SUGCT: variants seen among roughly 807,000 people sequenced by gnomAD.
The protein encoded by SUGCT is succinyl-CoA:glutarate-CoA transferase.
A neutral mutation model predicts 55.0 loss-of-function variants in SUGCT; 41 were observed. That is an observed-to-expected ratio of 0.74 (90% CI 0.58 to 0.97). The LOEUF is 0.97. SUGCT is among the 50% of genes least tolerant of loss of function. The pLI, the probability that SUGCT is intolerant of heterozygous loss-of-function variation, is 0.00. For synonymous variants in SUGCT, 187 were observed against 200.4 expected, an observed-to-expected ratio of 0.93 and a Z score of 0.56; for missense variants, 568 against 547.8, an observed-to-expected ratio of 1.04 and a Z score of -0.37.
In SUGCT at chr7:40,337,148, T is replaced by A. The variant is rs547924985; in HGVS notation, c.816+20293T>A. Among the ~76,000 whole-genome samples, 4 of 152,322 alleles carry A rather than the reference T, an allele frequency of 2.6e-5. No individual in the cohort carries two copies. In the East Asian group the frequency reaches 7.7e-4, roughly 29 times the overall value. ...ATAATTTCTGTTCTTTTACATTTGC[T>A]GAGGAGTGCTTTACTTCTGACTATG... On this transcript the variant is annotated intron_variant, in intron 9 of 13. Transcript: ENST00000335693.
chr7:40,952,271 G>A, the SUGCT span, among the ~76,000 whole-genome samples: 2 of 152,238 alleles, frequency 1.3e-5, no homozygotes, highest in Admixed American at 1.3e-4. Context: ...GACTAGGAAT[G>A]CAACCCCTGC....
At chr7:40,958,259 C>G in the SUGCT span, among the ~76,000 whole-genome samples, 1 of 152,184 alleles carries the variant, frequency 6.6e-6, no homozygotes, top group East Asian at 1.9e-4. Flanking sequence ...AGCACGTTTT[C>G]CAGCTTAGTT....
chr7:40,911,486 T>C, the SUGCT span, among the ~76,000 whole-genome samples: 10 of 151,222 alleles, frequency 6.6e-5, no homozygotes, highest in Admixed American at 2.0e-4. Context: ...GAGGGTCAAC[T>C]GAGCCCGGGA....
chr7:40,295,120 G>A (rs1007534369), intron 8 of SUGCT, among the ~76,000 whole-genome samples: 1 of 152,036 alleles, frequency 6.6e-6, no homozygotes. Flanking sequence ...ATGGAGCATA[G>A]TACTTTTTCA....
chr7:40,224,888 T>C (rs1483801289), intron 6 of SUGCT, among the ~76,000 whole-genome samples: 1 of 152,158 alleles, frequency 6.6e-6, no homozygotes, highest in African/African-American at 2.4e-5. Context: ...GCTCCTCCTG[T>C]GGGGCCGCAA....
At chr7:40,677,300 G>A (rs917605679) in intron 12 of SUGCT, among the ~76,000 whole-genome samples, 3 of 152,288 alleles carry the variant, frequency 2.0e-5, no homozygotes, top group African/African-American at 7.2e-5. Context: ...TCTGTCAGCC[G>A]TAAGTGATAG....
At chr7:40,409,327 G>A (rs1027626112) in intron 9 of SUGCT, among the ~76,000 whole-genome samples, 5 of 151,374 alleles carry the variant, frequency 3.3e-5, no homozygotes, top group African/African-American at 9.7e-5. Flanking sequence ...GCAATGGTGC[G>A]ATCATGGCTC....
the SUGCT span, among the ~76,000 whole-genome samples, chr7:40,992,803 C>G: frequency 3.8e-4 from 58 of 152,156 alleles, no homozygotes; most frequent in Non-Finnish European, 8.2e-4. Context: ...GTTTCAGTAC[C>G]TGTAATGTGG....
chr7:40,872,397 C>T, the SUGCT span, among the ~76,000 whole-genome samples: 5 of 152,066 alleles, frequency 3.3e-5, no homozygotes, highest in South Asian at 2.1e-4. Context: ...ATGTTTCTAA[C>T]GTGGAGGAAG....
At chr7:40,808,593 G>C (rs989989134) in intron 13 of SUGCT, among the ~76,000 whole-genome samples, 2 of 152,174 alleles carry the variant, frequency 1.3e-5, no homozygotes, top group African/African-American at 2.4e-5. Flanking sequence ...AAGTCAGTCA[G>C]CTGTGGGTTG....
At chr7:40,894,809 T>C in the SUGCT span, among the ~76,000 whole-genome samples, 25 of 152,082 alleles carry the variant, frequency 1.6e-4, no homozygotes, top group African/African-American at 5.1e-4. Context: ...AGTCAGAAAA[T>C]AACAGATGCT....
At chr7:40,948,446 A>G in the SUGCT span, among the ~76,000 whole-genome samples, 2 of 65,446 alleles carry the variant, frequency 3.1e-5, no homozygotes, top group Non-Finnish European at 7.7e-5. Context: ...GATGATGATG[A>G]TGATGATGAT....
At chr7:40,949,252 T>C in the SUGCT span, among the ~76,000 whole-genome samples, 1 of 152,378 alleles carries the variant, frequency 6.6e-6, no homozygotes, top group Admixed American at 6.5e-5. Flanking sequence ...ATAAATGTCT[T>C]CTTTTGAGAA....
chr7:40,575,004 A>G (rs1269476463), intron 12 of SUGCT, among the ~76,000 whole-genome samples: 1 of 151,900 alleles, frequency 6.6e-6, no homozygotes, highest in African/African-American at 2.4e-5. Context: ...AGTGTTTAAG[A>G]TCTCCACCCC....
intron 12 of SUGCT, among the ~76,000 whole-genome samples, chr7:40,738,886 T>G (rs1483803871): frequency 6.6e-6 from 1 of 152,204 alleles, no homozygotes; most frequent in Non-Finnish European, 1.5e-5. Flanking sequence ...TGATGAGGCA[T>G]TAAGTGCATT....
At chr7:40,333,478 AAT>A (rs1796439985) in intron 9 of SUGCT, among the ~76,000 whole-genome samples, 1 of 150,318 alleles carries the variant, frequency 6.7e-6, no homozygotes, top group Non-Finnish European at 1.5e-5. Context: ...CTCTACTAAA[AAT>A]ATGAAAATTA....
At chr7:41,029,487 A>G in the SUGCT span, among the ~76,000 whole-genome samples, 2 of 152,234 alleles carry the variant, frequency 1.3e-5, no homozygotes, top group East Asian at 1.9e-4. Context: ...ACAGCCTCCT[A>G]CACCCTGTAA....
intron 9 of SUGCT, among the ~76,000 whole-genome samples, chr7:40,404,053 C>T (rs1401541219): frequency 6.6e-6 from 1 of 152,172 alleles, no homozygotes; most frequent in Admixed American, 6.5e-5. Flanking sequence ...AAAAGGAACA[C>T]ACTGGCTACA....
chr7:40,274,676 T>A lies in SUGCT; in HGVS notation c.720+20T>A, dbSNP rs1562636466. The A allele has an allele frequency of 5.0e-6, 8 of 1,610,842 alleles. No homozygotes were observed. The highest frequency in any genetic ancestry group is 6.8e-6 in the Non-Finnish European group (8 of 1,177,344). Reference sequence around the variant, plus strand: ...TCCCAGGTAACAATCCAACTAACATTTCAGATAATGTTATAAAAACTGTGT... The same window carrying A: ...TCCCAGGTAACAATCCAACTAACATATCAGATAATGTTATAAAAACTGTGT... On this transcript the variant is annotated intron_variant, in intron 8 of 13. Transcript: ENST00000335693.
Sources: gnomAD v4.1 joint callset for allele counts (sites outside exome capture counted in the v4.1 genomes callset) on GRCh38, gnomAD v4.1.1 for gene constraint, MANE v1.5 for transcripts, NCBI Gene and HGNC (gene_info 2026-07-23, HGNC 2026-07-21) for gene names.